The following LAT2 variants were observed in gnomAD, a reference collection of about 807,000 sequenced individuals.
LAT2 encodes the protein linker for activation of T-cells family member 2.
Under a neutral mutation model 43.4 loss-of-function variants are expected in LAT2, and 23 were observed. That is an observed-to-expected ratio of 0.53 (90% CI 0.38 to 0.75). LAT2 has a LOEUF of 0.75. Among genes scored for constraint, LAT2 ranks in the 30% least tolerant of loss-of-function variants. LAT2 has a pLI of 0.00. For synonymous variants in LAT2, 128 were observed against 123.2 expected, an observed-to-expected ratio of 1.04 and a Z score of -0.26; for missense variants, 284 against 310.2, an observed-to-expected ratio of 0.92 and a Z score of 0.64.
chr7:74,220,461 GA>G lies in LAT2; in HGVS notation c.266-122del. The G allele has an allele frequency of 7.4e-7, 1 of 1,351,726 alleles. No individual in the cohort carries two copies. Among genetic ancestry groups the G allele is most frequent in the Non-Finnish European group, 1.0e-6 (1 of 956,500 alleles). 83.7% of individuals were successfully genotyped at this position (1,351,726 alleles called of 1,614,324 possible). On this transcript the variant is annotated intron_variant, in intron 7 of 13. Coordinates refer to ENST00000460943, the MANE Select transcript of LAT2 (RefSeq NM_032464.3). The surrounding 1 kb of genome is among the most constrained non-coding windows in gnomAD (Gnocchi z 4.5). ...ACACTCGCACATGCCCCACTGAGGGGACAGGGAGCACTGCAAAGGCTCAGAC... is the reference window on the plus strand; with the variant it reads ...ACACTCGCACATGCCCCACTGAGGGGCAGGGAGCACTGCAAAGGCTCAGAC...
At chr7:74,227,872 CA>C (rs1263561694) in intron 13 of LAT2, among the ~76,000 whole-genome samples, 2 of 150,766 alleles carry the variant, frequency 1.3e-5, no homozygotes, top group Non-Finnish European at 3.0e-5. Flanking sequence ...GACGCTGTCT[CA>C]AAACAAAAAC....
In LAT2 at chr7:74,214,821, G is replaced by A. The variant is rs1211651489; in HGVS notation, c.-218-1G>A. The A allele has an allele frequency of 3.2e-5, 3 of 92,746 alleles. No individual in the cohort carries two copies. The highest frequency in any genetic ancestry group is 6.0e-5 in the Non-Finnish European group (3 of 50,260). 5.7% of individuals were successfully genotyped at this position (92,746 alleles called of 1,614,324 possible). A position where few individuals can be genotyped will look rare whatever the true frequency, so the allele number is the denominator to read the frequency against. On this transcript the variant is annotated splice_acceptor_variant, in intron 1 of 13. Coordinates refer to ENST00000460943, the MANE Select transcript of LAT2 (RefSeq NM_032464.3). LOFTEE classifies it low-confidence loss of function (5UTR_SPLICE). The stretch of plus-strand genomic sequence containing the variant: ...TTTTTTTTTTTGTATTTTTTTTGTA[G>A]AGATGGAATTTCACCGTGTTGCCTA...
chr7:74,226,160 G>A (rs1260124893), intron 13 of LAT2: 2 of 143,298 alleles, frequency 1.4e-5, no homozygotes, highest in Non-Finnish European at 3.0e-5. Context: ...TTTTTTTTGA[G>A]ACAGAGTATC....
chr7:74,221,656 T>C lies in LAT2; in HGVS notation c.352T>C (p.Tyr118His). Residue 118 changes from tyrosine (Y) to histidine (H), a missense_variant, in exon 10 of 14, where the codon TAT becomes CAT. By Grantham distance (83) the Tyr-to-His change is moderately conservative. Coordinates refer to ENST00000460943, the MANE Select transcript of LAT2 (RefSeq NM_032464.3). ...EAYIDPIAMEYYNWGRFSKPP... is the reference protein window; with the variant it reads ...EAYIDPIAMEHYNWGRFSKPP... ...GGCCAGAGACCCCATTGCCATGGAG[T>C]ATTACAACTGGGGGCGGTTCTCGAA... 6.2e-7 allele frequency: 1 copy of C among 1,612,254 alleles called. No homozygotes were observed. Among genetic ancestry groups the C allele is most frequent in the Non-Finnish European group, 8.5e-7 (1 of 1,179,268 alleles).
intron 13 of LAT2, among the ~76,000 whole-genome samples, chr7:74,227,716 T>A (rs1446070808): frequency 6.6e-6 from 1 of 152,170 alleles, no homozygotes; most frequent in Non-Finnish European, 1.5e-5. Context: ...CTACATAATA[T>A]ACAAAAATTT....
At chr7:74,214,689 TAATA>T (rs1453332797) in intron 1 of LAT2, 129 bp from the exon 2 acceptor site, 1 of 70,630 alleles carries the variant, frequency 1.4e-5, no homozygotes, top group East Asian at 3.6e-4. Flanking sequence ...TATATGAAAA[TAATA>T]TATATAAATA....
rs376339766 is a variant in LAT2 at position 74,213,367 on chromosome 7, C to T, written c.-218-1455C>T. Reference sequence around the variant, plus strand: ...TGAACTCCTGACCTCATGAACCACCCGCCTCAGCCTCCCAAAGTGTTGGGA... The same window carrying T: ...TGAACTCCTGACCTCATGAACCACCTGCCTCAGCCTCCCAAAGTGTTGGGA... On this transcript the variant is annotated intron_variant, in intron 1 of 13. Coordinates refer to ENST00000460943, the MANE Select transcript of LAT2 (RefSeq NM_032464.3). Among the ~76,000 whole-genome samples the T allele has an allele frequency of 9.9e-5, 15 of 151,426 alleles. No individual in the cohort carries two copies. The East Asian group carries it at 1.6e-3, about 16-fold the overall frequency.
In LAT2 at chr7:74,220,028, G is replaced by A. The variant is rs782010378; in HGVS notation, c.227+20G>A. Reference sequence around the variant, plus strand: ...CACAAGGTAGGTCACAGTCCCCCAGGAAGTGACAAGAATGAAAGTCCTGGA... The same window carrying A: ...CACAAGGTAGGTCACAGTCCCCCAGAAAGTGACAAGAATGAAAGTCCTGGA... On this transcript the variant is annotated intron_variant, in intron 6 of 13. Coordinates refer to ENST00000460943, the MANE Select transcript of LAT2 (RefSeq NM_032464.3). This position sits in a 1 kb window ranked among gnomAD's most constrained non-coding sequence, Gnocchi z 4.5. 1 of 1,612,604 alleles carries A rather than the reference G, an allele frequency of 6.2e-7. No individual in the cohort carries two copies. Among genetic ancestry groups the A allele is most frequent in the Non-Finnish European group, 8.5e-7 (1 of 1,179,270 alleles).
intron 11 of LAT2, 96 bp downstream of exon 11, chr7:74,223,879 A>G: frequency 6.7e-7 from 1 of 1,484,876 alleles, no homozygotes; most frequent in Non-Finnish European, 9.4e-7. Context: ...GGCCGCCCCC[A>G]CTTTGAAGCC....
chr7:74,225,687 G>C (rs781803494), intron 13 of LAT2: 1 of 152,320 alleles, frequency 6.6e-6, no homozygotes, highest in Non-Finnish European at 1.5e-5. Flanking sequence ...AGCCTAGGCT[G>C]GGTCTACTGC....
intron 1 of LAT2, among the ~76,000 whole-genome samples, chr7:74,210,716 G>A (rs1365074201): frequency 1.1e-4 from 17 of 152,342 alleles, no homozygotes; most frequent in African/African-American, 4.1e-4. Context: ...GGGAGGCCAA[G>A]GCGGGAGGAT....
intron 9 of LAT2, 114 bp from the exon 10 acceptor site, chr7:74,221,523 C>T (rs1802278831): frequency 4.6e-6 from 3 of 655,410 alleles, no homozygotes; most frequent in Non-Finnish European, 7.7e-6. Context: ...ACCCCCATGG[C>T]CCCCAAGAGG....
chr7:74,219,257 C>T (rs1439763495), intron 4 of LAT2, among the ~76,000 whole-genome samples: 1 of 152,022 alleles, frequency 6.6e-6, no homozygotes, highest in African/African-American at 2.4e-5. Flanking sequence ...TAAGGAATTG[C>T]AAACGCTCCC....
rs576651545 is a variant in LAT2, at chr7:74,211,551, G to A, written c.-219+1463G>A. 9.5e-4 allele frequency among the ~76,000 whole-genome samples: 144 copies of A among 151,978 alleles called. 1 individual carries two copies. The highest frequency in any genetic ancestry group is 2.9e-3 in the Admixed American group (44 of 15,234). ...TGGCTCACTGCAAGCTCCACCTCCC[G>A]GGTACATGCCATTCTCCTGCCTCAG... On this transcript the variant is annotated intron_variant, in intron 1 of 13. Transcript: ENST00000460943.
At chr7:74,218,969 A>ATTACAGGTG (rs1249824439) in intron 4 of LAT2, among the ~76,000 whole-genome samples, 5 of 128,898 alleles carry the variant, frequency 3.9e-5, no homozygotes, top group Non-Finnish European at 7.9e-5. Context: ...AAGCCCTGGG[A>ATTACAGGTG]TTACAGGTGT....
chr7:74,221,634 C>T lies in LAT2; in HGVS notation c.333-3C>T. 6.2e-6 allele frequency: 10 copies of T among 1,613,012 alleles called. No homozygotes were observed. The highest frequency in any genetic ancestry group is 1.1e-5 in the South Asian group (1 of 90,964). ...CCTGTGTTGTATATGTTTTCTTGGCCAGAGACCCCATTGCCATGGAGTATT... is the reference window on the plus strand; with the variant it reads ...CCTGTGTTGTATATGTTTTCTTGGCTAGAGACCCCATTGCCATGGAGTATT... On this transcript the variant is annotated splice_region_variant and splice_polypyrimidine_tract_variant and intron_variant, in intron 9 of 13. Transcript: ENST00000460943.
At chr7:74,223,673 G>GCCTTCC in intron 10 of LAT2, 51 bp from the exon 11 acceptor site, 1 of 1,548,582 alleles carries the variant, frequency 6.5e-7, no homozygotes, top group Non-Finnish European at 8.9e-7. Flanking sequence ...GATGAGCCAG[G>GCCTTCC]CTTTGCAGGG....
intron 1 of LAT2, among the ~76,000 whole-genome samples, chr7:74,213,830 C>T (rs376129434): frequency 4.0e-5 from 6 of 151,568 alleles, no homozygotes; most frequent in African/African-American, 7.3e-5. Context: ...AAGAACACGG[C>T]GGGTGGGGGA....
At chr7:74,221,315 T>C (rs1554715207) in intron 9 of LAT2, among the ~76,000 whole-genome samples, 1 of 147,640 alleles carries the variant, frequency 6.8e-6, no homozygotes, top group African/African-American at 2.5e-5. Flanking sequence ...CTCGGGAGGC[T>C]GATGCAGGAG....
Sources: allele counts gnomAD v4.1 joint callset (sites outside exome capture counted in the v4.1 genomes callset), GRCh38; gene constraint gnomAD v4.1.1; non-coding constraint Gnocchi (gnomAD v3.1); transcripts MANE v1.5; gene names NCBI Gene and HGNC (gene_info 2026-07-23, HGNC 2026-07-21).